Variants in FRYL observed in about 807,000 individuals in gnomAD.
FRYL encodes protein furry homolog-like.
Under a neutral mutation model 351.2 loss-of-function variants are expected in FRYL, and 150 were observed. That is an observed-to-expected ratio of 0.43 (90% CI 0.37 to 0.49). The LOEUF (loss-of-function observed/expected upper bound fraction) is 0.49. FRYL is among the 20% of genes least tolerant of loss of function. FRYL has a pLI of 0.00. For synonymous variants in FRYL, 1,153 were observed against 1,257.1 expected, an observed-to-expected ratio of 0.92 and a Z score of 1.75; for missense variants, 3,036 against 3,619.3, an observed-to-expected ratio of 0.84 and a Z score of 4.13.
At chr4:48,559,879 C>G (rs376858401) in intron 33 of FRYL, among the ~76,000 whole-genome samples, 1 of 152,100 alleles carries the variant, frequency 6.6e-6, no homozygotes, top group Admixed American at 6.5e-5. Flanking sequence ...ATGGCTAACA[C>G]CAATTGCTGT....
At chr4:48,513,348 T>C (rs370245773) in intron 56 of FRYL, among the ~76,000 whole-genome samples, 26 of 152,318 alleles carry the variant, frequency 1.7e-4, no homozygotes, top group African/African-American at 5.8e-4. Context: ...CCTAGCAATA[T>C]GGCCGATAAT....
intron 3 of FRYL, among the ~76,000 whole-genome samples, chr4:48,640,243 T>C (rs1011681541): frequency 2.0e-5 from 3 of 152,146 alleles, no homozygotes; most frequent in African/African-American, 7.2e-5. Context: ...TTGTTAAAAC[T>C]TGGAAGCAAC....
chr4:48,692,250 G>A (rs766081985), intron 2 of FRYL, among the ~76,000 whole-genome samples: 7 of 152,108 alleles, frequency 4.6e-5, no homozygotes, highest in Non-Finnish European at 1.0e-4. Context: ...GGCCTAAATC[G>A]CCTTTTTGAC....
chr4:48,541,203 A>C (rs1730081253), intron 45 of FRYL, among the ~76,000 whole-genome samples: 1 of 152,168 alleles, frequency 6.6e-6, no homozygotes. Context: ...TGCTGAGAAA[A>C]TTCTGCTATA....
At chr4:48,513,261 C>T (rs1722856695) in intron 56 of FRYL, among the ~76,000 whole-genome samples, 1 of 152,028 alleles carries the variant, frequency 6.6e-6, no homozygotes, top group Admixed American at 6.5e-5. Context: ...GAATTTGAAC[C>T]CAGGACTACG....
At chr4:48,759,729 T>C (rs1774201405) in intron 1 of FRYL, among the ~76,000 whole-genome samples, 1 of 152,074 alleles carries the variant, frequency 6.6e-6, no homozygotes, top group Non-Finnish European at 1.5e-5. Flanking sequence ...GGATTCCAGG[T>C]GTGAGCAACC....
rs1733292596 is a variant in FRYL at position 48,553,243 on chromosome 4, G to C, written c.4407C>G (p.Ser1469=). ...MDNPPYYRIT[S]SYKIPSVTSG... ...AGGTGACAGAAGGGATTTTATAGCT[G>C]GAAGTGATGCGATAATACGGGGGAT... The change falls in exon 36 of 64, where the codon TCC becomes TCG. Residue 1469 remains serine, a synonymous_variant. Coordinates refer to ENST00000358350, the MANE Select transcript of FRYL (RefSeq NM_015030.2). The C allele has an allele frequency of 3.1e-6, 5 of 1,612,776 alleles. No individual in the cohort carries two copies. The highest frequency in any genetic ancestry group is 4.2e-6 in the Non-Finnish European group (5 of 1,179,644).
At chr4:48,505,779 T>TAACA (rs1206164845) in intron 59 of FRYL, 164 bp from the exon 60 acceptor site, 2 of 526,158 alleles carry the variant, frequency 3.8e-6, no homozygotes, top group East Asian at 3.0e-5. Flanking sequence ...TATATGGAAC[T>TAACA]AACAAAAGCA....
At chr4:48,504,823 C>T (rs866471460) in intron 60 of FRYL, among the ~76,000 whole-genome samples, 58 of 60,402 alleles carry the variant, frequency 9.6e-4, no homozygotes, top group African/African-American at 3.3e-3. Context: ...TTTTGCAGAA[C>T]TTCAATTTTT....
chr4:48,538,041 A>G (rs1430537148), intron 47 of FRYL, among the ~76,000 whole-genome samples: 1 of 152,218 alleles, frequency 6.6e-6, no homozygotes, highest in Non-Finnish European at 1.5e-5. Context: ...TATTAAAATG[A>G]AAGTTATTTT....
At chr4:48,539,370 C>G (rs893061288) in intron 47 of FRYL, among the ~76,000 whole-genome samples, 3 of 152,148 alleles carry the variant, frequency 2.0e-5, no homozygotes, top group Admixed American at 6.6e-5. Context: ...GCCTAGAAAA[C>G]TTCAAACCCT....
chr4:48,548,323 G>A (rs552805933), intron 40 of FRYL, among the ~76,000 whole-genome samples: 7 of 152,154 alleles, frequency 4.6e-5, no homozygotes, highest in African/African-American at 1.7e-4. Flanking sequence ...AGTTCTTTTG[G>A]GAAATACTTA....
At chr4:48,673,839 A>G (rs776191842) in intron 3 of FRYL, among the ~76,000 whole-genome samples, 69 of 152,226 alleles carry the variant, frequency 4.5e-4, no homozygotes, top group African/African-American at 1.2e-4. Context: ...CACATGAAAC[A>G]AAACAAAGTT....
At position 48,523,018 on chromosome 4, in the gene FRYL, C is replaced by T. The variant is rs1577928783; in HGVS notation, c.7404G>A (p.Glu2468=). 1.9e-6 allele frequency: 3 copies of T among 1,613,766 alleles called. No individual in the cohort carries two copies. In the East Asian group the frequency reaches 6.7e-5, roughly 36 times the overall value. Reference sequence around the variant, plus strand: ...TGGGGGTGCTACTAGAGCACTGGTACTCCTGGAGGGATGGAGTGTCCCCTT... The same window carrying T: ...TGGGGGTGCTACTAGAGCACTGGTATTCCTGGAGGGATGGAGTGTCCCCTT... ...IDKGDTPSLQ[E]YQCSSSTPSL... Residue 2468 remains glutamate, a synonymous_variant, in exon 54 of 64, where the codon GAG becomes GAA. Transcript: ENST00000358350.
At chr4:48,542,668 A>G (rs775256224) in intron 44 of FRYL, among the ~76,000 whole-genome samples, 1 of 152,262 alleles carries the variant, frequency 6.6e-6, no homozygotes, top group Non-Finnish European at 1.5e-5. Flanking sequence ...CACCCGTTTC[A>G]GCCTCCCAAA....
Position 48,563,950 on chromosome 4 carries a change from G to C in FRYL, c.3594C>G (p.Asn1198Lys). 6.2e-7 allele frequency: 1 copy of C among 1,612,248 alleles called. No homozygotes were observed. Among genetic ancestry groups the C allele is most frequent in the South Asian group, 1.1e-5 (1 of 90,582 alleles). Residue 1198 changes from asparagine to lysine, a missense_variant and splice_region_variant, in exon 31 of 64, where the codon AAC (asparagine) becomes AAG (lysine). Transcript: ENST00000358350. ...CFKAIANVFQ[N>K]RDYQCDTVML... ...CAAAAAACCTGTATCTAAAGTACCTGTTCTGGAAAACATTAGCAATGGCTT... is the reference window on the plus strand; with the variant it reads ...CAAAAAACCTGTATCTAAAGTACCTCTTCTGGAAAACATTAGCAATGGCTT...
chr4:48,776,021 T>G (rs1775973963), intron 1 of FRYL, among the ~76,000 whole-genome samples: 1 of 146,948 alleles, frequency 6.8e-6, no homozygotes, highest in Non-Finnish European at 1.5e-5. Context: ...AGAGACAGTT[T>G]AAGACAGTCC....
At chr4:48,759,225 T>TATA (rs756311721) in intron 1 of FRYL, among the ~76,000 whole-genome samples, 2 of 151,916 alleles carry the variant, frequency 1.3e-5, no homozygotes, top group Non-Finnish European at 2.9e-5. Context: ...GAACTTAAAG[T>TATA]ATAATAATAA....
chr4:48,754,010 A>AT, intron 1 of FRYL, among the ~76,000 whole-genome samples: 1 of 152,342 alleles, frequency 6.6e-6, no homozygotes, highest in South Asian at 2.1e-4. Flanking sequence ...TAATTAATCT[A>AT]TATGTATTGA....
Sources: gnomAD v4.1 joint callset for allele counts (sites outside exome capture counted in the v4.1 genomes callset) on GRCh38, gnomAD v4.1.1 for gene constraint, MANE v1.5 for transcripts, NCBI Gene and HGNC (gene_info 2026-07-23, HGNC 2026-07-21) for gene names.